Variants in COLEC12 observed in about 807,000 individuals in gnomAD.
COLEC12 encodes collectin subfamily member 12, also known as collectin-12.
In COLEC12, 33 loss-of-function variants were observed where a neutral mutation model predicts 71.1. That is an observed-to-expected ratio of 0.46 (90% CI 0.35 to 0.62). The LOEUF (loss-of-function observed/expected upper bound fraction) is 0.62. Ranked by LOEUF, COLEC12 falls within the 20% of genes least tolerant of loss-of-function variation. The pLI, the probability that COLEC12 is intolerant of heterozygous loss-of-function variation, is 0.00. For synonymous variants in COLEC12, 350 were observed against 353.0 expected (o/e 0.99, Z 0.10); for missense variants, 765 against 916.1 (o/e 0.84, Z 2.13).
At position 480,830 on chromosome 18, in the gene COLEC12, C is replaced by A. The variant is rs1917401308; in HGVS notation, c.8-73G>T. 8.0e-7 allele frequency: 1 copy of A among 1,245,198 alleles called. No individual in the cohort carries two copies. Among genetic ancestry groups the A allele is most frequent in the Non-Finnish European group, 1.2e-6 (1 of 843,246 alleles). The allele number at this position is 1,245,198 out of a possible 1,614,324, so 77.1% of individuals were successfully genotyped here. ...AAGCAGAGGGTGGGGCAGGATGCGA[C>A]CTGCTTCATCGCCCCTGCTTGTCAC... is the stretch of plus-strand genomic sequence containing the variant. On this transcript the variant is annotated intron_variant, in intron 1 of 9. Coordinates refer to ENST00000400256, the MANE Select transcript of COLEC12 (RefSeq NM_130386.3). The surrounding 1 kb of genome is among the most constrained non-coding windows in gnomAD (Gnocchi z 4.1).
At chr18:479,453 G>A (rs995619811) in intron 2 of COLEC12, among the ~76,000 whole-genome samples, 3 of 151,994 alleles carry the variant, frequency 2.0e-5, no homozygotes, top group East Asian at 1.9e-4. Flanking sequence ...GAGCAGCTGG[G>A]GGTTGTTAAT....
intron 2 of COLEC12, among the ~76,000 whole-genome samples, chr18:374,945 G>C (rs1315425020): frequency 6.6e-6 from 1 of 152,234 alleles, no homozygotes; most frequent in East Asian, 1.9e-4. Flanking sequence ...TACATGGGAA[G>C]TTGGGGAAAG....
intron 2 of COLEC12, among the ~76,000 whole-genome samples, chr18:430,170 C>T (rs1319540773): frequency 1.3e-5 from 2 of 152,040 alleles, no homozygotes; most frequent in Admixed American, 1.3e-4. Context: ...AAACCCTGTC[C>T]CTACTGAATA....
intron 2 of COLEC12, among the ~76,000 whole-genome samples, chr18:461,068 TG>T (rs1406448238): frequency 3.9e-5 from 6 of 152,216 alleles, no homozygotes; most frequent in Non-Finnish European, 8.8e-5. Context: ...CTGGTCTTTC[TG>T]CAGTGATGAA....
At chr18:384,422 G>A (rs1451118278) in intron 2 of COLEC12, among the ~76,000 whole-genome samples, 1 of 152,098 alleles carries the variant, frequency 6.6e-6, no homozygotes, top group Non-Finnish European at 1.5e-5. Context: ...AAGAACAGGA[G>A]GCTCAGGGAG....
At position 333,130 on chromosome 18, in the gene COLEC12, G is replaced by C. The variant is rs773032503; in HGVS notation, c.1830C>G (p.His610Gln). Residue 610 changes from histidine to glutamine, a missense_variant, in exon 7 of 10, where the codon CAC (histidine) becomes CAG (glutamine). By Grantham distance (24) the His-to-Gln change is conservative. Coordinates refer to ENST00000400256, the MANE Select transcript of COLEC12 (RefSeq NM_130386.3). The part of the protein sequence containing the change: ...PAPEDNGCPP[H>Q]WKNFTDKCYY... ...AGCATTTGTCTGTGAAGTTCTTCCA[G>C]TGAGGCGGGCAGCCTAGGAATGCAA... The C allele has an allele frequency of 3.7e-6, 6 of 1,605,574 alleles. No homozygotes were observed. Among genetic ancestry groups the C allele is most frequent in the Admixed American group, 1.7e-5 (1 of 57,542 alleles).
chr18:385,316 A>AT (rs139537913), intron 2 of COLEC12, among the ~76,000 whole-genome samples: 152 of 119,218 alleles, frequency 1.3e-3, no homozygotes, highest in South Asian at 3.0e-3. Context: ...TTAAAATGGG[A>AT]TTTTTTTTTT....
At chr18:347,523 G>A (rs1393025832) in intron 4 of COLEC12, among the ~76,000 whole-genome samples, 182 bp from the exon 5 acceptor site, 4 of 152,126 alleles carry the variant, frequency 2.6e-5, no homozygotes, top group East Asian at 1.9e-4. Flanking sequence ...CTGGGGAATC[G>A]GAAAAGAAGC....
chr18:463,709 C>A (rs1917030119), intron 2 of COLEC12, among the ~76,000 whole-genome samples: 1 of 152,162 alleles, frequency 6.6e-6, no homozygotes. Flanking sequence ...TCGTATCTTT[C>A]TTCTCTCTCA....
chr18:487,502 C>T (rs1461136503), intron 1 of COLEC12, among the ~76,000 whole-genome samples: 1 of 152,160 alleles, frequency 6.6e-6, no homozygotes, highest in Non-Finnish European at 1.5e-5. Flanking sequence ...TGGAGCTGCC[C>T]ACCCAAAGAG....
Position 346,145 on chromosome 18 carries a change from G to T in COLEC12, c.1327+150C>A. 1 of 635,828 alleles carries T rather than the reference G, an allele frequency of 1.6e-6. No individual in the cohort carries two copies. Among genetic ancestry groups the T allele is most frequent in the East Asian group, 2.7e-5 (1 of 36,660 alleles). The allele number at this position is 635,828 out of a possible 1,614,324, so 39.4% of individuals were successfully genotyped here. ...CAACCTCATGAAAAACAGTGAGTCAGGACCATCTAGCTAAGCTGCTCTTGA... is the reference window on the plus strand; with the variant it reads ...CAACCTCATGAAAAACAGTGAGTCATGACCATCTAGCTAAGCTGCTCTTGA... On this transcript the variant is annotated intron_variant, in intron 5 of 9. Transcript: ENST00000400256. The surrounding 1 kb of genome is among the most constrained non-coding windows in gnomAD (Gnocchi z 4.0).
At position 318,207 on chromosome 18, in the gene COLEC12, C is replaced by G. The variant is rs1186311426; in HGVS notation, c.*1838G>C. 6.6e-6 allele frequency: 1 copy of G among 151,932 alleles called. No individual in the cohort carries two copies. The highest frequency in any genetic ancestry group is 1.5e-5 in the Non-Finnish European group (1 of 67,998). The allele number at this position is 151,932 out of a possible 1,614,324, so 9.4% of individuals were successfully genotyped here. ...GTGTTAGCCAGGATGGTCTCGATCTCCTGACCTTGTGATCCGTCCGCCTCG... is the reference window on the plus strand; with the variant it reads ...GTGTTAGCCAGGATGGTCTCGATCTGCTGACCTTGTGATCCGTCCGCCTCG... On this transcript the variant is annotated 3_prime_UTR_variant, in exon 10 of 10. Coordinates refer to ENST00000400256, the MANE Select transcript of COLEC12 (RefSeq NM_130386.3).
chr18:467,971 T>C (rs1027091237), intron 2 of COLEC12, among the ~76,000 whole-genome samples: 1 of 152,076 alleles, frequency 6.6e-6, no homozygotes, highest in Admixed American at 6.6e-5. Context: ...AATAATATAT[T>C]TTAAAAATCA....
chr18:464,784 C>T (rs1917053180), intron 2 of COLEC12, among the ~76,000 whole-genome samples: 1 of 152,242 alleles, frequency 6.6e-6, no homozygotes. Context: ...TCAATCTCAT[C>T]CAACGAACTC....
At chr18:458,246 C>CTA (rs1429685829) in intron 2 of COLEC12, among the ~76,000 whole-genome samples, 2 of 152,214 alleles carry the variant, frequency 1.3e-5, no homozygotes, top group African/African-American at 4.8e-5. Flanking sequence ...CACTCATTTC[C>CTA]TAACATACCC....
rs1489296968 is a variant in COLEC12 at position 480,788 on chromosome 18, C to T, written c.8-31G>A. 1.9e-6 allele frequency: 3 copies of T among 1,602,516 alleles called. No individual in the cohort carries two copies. The highest frequency in any genetic ancestry group is 2.6e-6 in the Non-Finnish European group (3 of 1,169,466). On this transcript the variant is annotated intron_variant, in intron 1 of 9. Coordinates refer to ENST00000400256, the MANE Select transcript of COLEC12 (RefSeq NM_130386.3). This position sits in a 1 kb window ranked among gnomAD's most constrained non-coding sequence, Gnocchi z 4.1. ...AGAGAAGAAGAGACACGATGTTAAT[C>T]CTGGCAAGGGGCACAGAAGCAGAGG...
chr18:386,280 T>C (rs955306123), intron 2 of COLEC12, among the ~76,000 whole-genome samples: 2 of 152,218 alleles, frequency 1.3e-5, no homozygotes, highest in Non-Finnish European at 2.9e-5. Context: ...GTACAAGTCA[T>C]GTTGTAACCA....
At position 424,189 on chromosome 18, in the gene COLEC12, T is replaced by A. The variant is rs542657060; in HGVS notation, c.58+56518A>T. ...CTAGGAGTGACCCTTCCGCCTTACATCAGTGCAGCCAGCCTGGTGACTCCC... is the reference window on the plus strand; with the variant it reads ...CTAGGAGTGACCCTTCCGCCTTACAACAGTGCAGCCAGCCTGGTGACTCCC... On this transcript the variant is annotated intron_variant, in intron 2 of 9. Transcript: ENST00000400256. 2.6e-5 allele frequency: 4 copies of A among 152,378 alleles called. No individual in the cohort carries two copies. In the East Asian group the frequency reaches 7.7e-4, roughly 29 times the overall value. 9.4% of individuals were successfully genotyped at this position (152,378 alleles called of 1,614,324 possible).
intron 5 of COLEC12, among the ~76,000 whole-genome samples, chr18:339,265 T>C (rs1914189968): frequency 6.6e-6 from 1 of 152,188 alleles, no homozygotes; most frequent in African/African-American, 2.4e-5. Flanking sequence ...CAGCTTTTCA[T>C]TCATCCTATT....
Sources: allele counts gnomAD v4.1 joint callset (sites outside exome capture counted in the v4.1 genomes callset), GRCh38; gene constraint gnomAD v4.1.1; non-coding constraint Gnocchi (gnomAD v3.1); transcripts MANE v1.5; gene names NCBI Gene and HGNC (gene_info 2026-07-23, HGNC 2026-07-21).